PLEKHA7: variants seen among roughly 807,000 people sequenced by gnomAD.
PLEKHA7 encodes pleckstrin homology domain-containing family A member 7.
Under a neutral mutation model 170.0 loss-of-function variants are expected in PLEKHA7, and 104 were observed. The observed-to-expected ratio is 0.61, with a 90% CI of 0.52 to 0.72. PLEKHA7 has a LOEUF of 0.72. Among genes scored for constraint, PLEKHA7 ranks in the 30% least tolerant of loss-of-function variants. The pLI is 0.00. For missense variants in PLEKHA7, 1,615 were observed against 1,671.7 expected, an observed-to-expected ratio of 0.97 and a Z score of 0.59; for synonymous variants, 648 against 660.8, an observed-to-expected ratio of 0.98 and a Z score of 0.30.
At chr11:17,003,139 C>T (rs1270684799) in intron 3 of PLEKHA7, among the ~76,000 whole-genome samples, 2 of 152,020 alleles carry the variant, frequency 1.3e-5, no homozygotes, top group African/African-American at 2.4e-5. Context: ...TACAGGCATG[C>T]GCCACAGTGC....
chr11:16,997,715 G>A (rs1411303940), intron 3 of PLEKHA7, among the ~76,000 whole-genome samples: 1 of 152,250 alleles, frequency 6.6e-6, no homozygotes, highest in African/African-American at 2.4e-5. Context: ...TGTGCTGGGG[G>A]GAGAGGTGAC....
intron 9 of PLEKHA7, among the ~76,000 whole-genome samples, chr11:16,830,666 T>C (rs1437533311): frequency 3.9e-5 from 6 of 152,208 alleles, no homozygotes; most frequent in Admixed American, 3.9e-4. Flanking sequence ...GTAATGTGGA[T>C]TTTTCTTCCT....
At chr11:16,981,332 A>G (rs1012884955) in intron 3 of PLEKHA7, among the ~76,000 whole-genome samples, 3 of 152,178 alleles carry the variant, frequency 2.0e-5, no homozygotes, top group Non-Finnish European at 2.9e-5. Flanking sequence ...CAATTTACAC[A>G]TAAGAAAACT....
intron 3 of PLEKHA7, among the ~76,000 whole-genome samples, chr11:16,981,672 G>GTTT (rs1327468400): frequency 6.6e-6 from 1 of 152,178 alleles, no homozygotes; most frequent in Non-Finnish European, 1.5e-5. Flanking sequence ...CAATAACTTG[G>GTTT]CTCTTGAGTT....
At chr11:16,887,862 G>A (rs1225287109) in intron 3 of PLEKHA7, among the ~76,000 whole-genome samples, 1 of 151,316 alleles carries the variant, frequency 6.6e-6, no homozygotes, top group Non-Finnish European at 1.5e-5. Context: ...CCCATCATCT[G>A]GGATGTGAGG....
At chr11:16,939,160 C>G (rs557255009) in intron 3 of PLEKHA7, among the ~76,000 whole-genome samples, 1 of 152,114 alleles carries the variant, frequency 6.6e-6, no homozygotes, top group Non-Finnish European at 1.5e-5. Flanking sequence ...TCCTATAGTC[C>G]CAGCGCTTTG....
chr11:16,963,516 G>C (rs1862191956), intron 3 of PLEKHA7, among the ~76,000 whole-genome samples: 1 of 152,174 alleles, frequency 6.6e-6, no homozygotes, highest in Non-Finnish European at 1.5e-5. Flanking sequence ...GAGCACCAGG[G>C]AGGTGTGTCA....
At chr11:16,782,676 G>A (rs946375236) in intron 26 of PLEKHA7, 78 bp downstream of exon 26, 1 of 1,500,810 alleles carries the variant, frequency 6.7e-7, no homozygotes. Context: ...ACTGGCTCTG[G>A]AACAGGCCAT....
intron 3 of PLEKHA7, among the ~76,000 whole-genome samples, chr11:16,988,149 G>A (rs1393862145): frequency 1.3e-5 from 2 of 152,250 alleles, no homozygotes; most frequent in East Asian, 1.9e-4. Context: ...CCCCAGGTCA[G>A]GCAGCTGTAA....
At chr11:16,893,840 T>G (rs1323482253) in intron 3 of PLEKHA7, among the ~76,000 whole-genome samples, 1 of 152,176 alleles carries the variant, frequency 6.6e-6, no homozygotes, top group Non-Finnish European at 1.5e-5. Context: ...TAAAGCACAG[T>G]GTCTTTGTTT....
intron 23 of PLEKHA7, chr11:16,787,019 T>C (rs1000689232): frequency 8.1e-6 from 8 of 985,066 alleles, no homozygotes; most frequent in African/African-American, 1.7e-5. Flanking sequence ...CTAAATCATA[T>C]AAAATTGAAA....
chr11:16,835,036 G>A (rs11024050), intron 9 of PLEKHA7, among the ~76,000 whole-genome samples: 44,882 of 152,212 alleles, frequency 0.29, 8,006 homozygotes, highest in East Asian at 0.56. Flanking sequence ...TTGGGAGGCT[G>A]AGGTAGGTGG....
At chr11:16,905,889 G>A (rs2136088608) in intron 3 of PLEKHA7, among the ~76,000 whole-genome samples, 1 of 152,282 alleles carries the variant, frequency 6.6e-6, no homozygotes, top group South Asian at 2.1e-4. Flanking sequence ...AGGAAGATGA[G>A]GCTCTAGAAG....
At position 16,789,289 on chromosome 11, in the gene PLEKHA7, T is replaced by G; in HGVS notation, c.3164A>C (p.Lys1055Thr). The G allele has an allele frequency of 6.2e-7, 1 of 1,613,178 alleles. No homozygotes were observed. The highest frequency in any genetic ancestry group is 8.5e-7 in the Non-Finnish European group (1 of 1,179,992). Residue 1055 changes from lysine to threonine, a missense_variant, in exon 23 of 27, where the codon AAG becomes ACG. Physicochemically the swap from Lys to Thr is moderately conservative, Grantham distance 78. Coordinates refer to ENST00000531066, the MANE Select transcript of PLEKHA7 (RefSeq NM_001329630.2). This position sits in a 1 kb window ranked among gnomAD's most constrained non-coding sequence, Gnocchi z 4.6. ...TGAGTACAGGCGCTCCAAGGCACTC[T>G]TAGGTCTCTGAGGAAGAGGAGGCAG... ...ESSKATFPRP[K>T]SALERLYSGD... is the part of the protein sequence containing the mutation.
intron 3 of PLEKHA7, among the ~76,000 whole-genome samples, chr11:16,956,572 A>G (rs933782816): frequency 1.3e-5 from 2 of 152,192 alleles, no homozygotes; most frequent in African/African-American, 4.8e-5. Context: ...CAATAATCCC[A>G]CGCTCACAAT....
At chr11:16,963,529 C>T (rs1407985076) in intron 3 of PLEKHA7, among the ~76,000 whole-genome samples, 2 of 152,134 alleles carry the variant, frequency 1.3e-5, no homozygotes, top group Non-Finnish European at 2.9e-5. Context: ...GTGTGTCATC[C>T]ATCCTGGGGT....
intron 4 of PLEKHA7, among the ~76,000 whole-genome samples, chr11:16,860,266 C>T (rs1853833374): frequency 6.6e-6 from 1 of 152,142 alleles, no homozygotes; most frequent in South Asian, 2.1e-4. Flanking sequence ...GCATATTTGG[C>T]ACTAAATGCA....
At chr11:16,983,870 T>G (rs1015189295) in intron 3 of PLEKHA7, among the ~76,000 whole-genome samples, 8 of 152,026 alleles carry the variant, frequency 5.3e-5, no homozygotes, top group Admixed American at 1.3e-4. Context: ...CCATCTTTAA[T>G]AATATTACCC....
At chr11:16,813,045 G>T in intron 13 of PLEKHA7, 68 bp downstream of exon 13, 1 of 1,437,558 alleles carries the variant, frequency 7.0e-7, no homozygotes, top group African/African-American at 1.4e-5. Context: ...TTTGGGCTTG[G>T]CTCCAGTGAG....
Sources: allele counts gnomAD v4.1 joint callset (sites outside exome capture counted in the v4.1 genomes callset), GRCh38; gene constraint gnomAD v4.1.1; non-coding constraint Gnocchi (gnomAD v3.1); transcripts MANE v1.5; gene names NCBI Gene and HGNC (gene_info 2026-07-23, HGNC 2026-07-21).